FAT4: variants seen among roughly 807,000 people sequenced by gnomAD.
The protein encoded by FAT4 is protocadherin Fat 4.
FAT4 carries 84 observed loss-of-function variants against 303.9 expected under a neutral mutation model. The observed-to-expected ratio is 0.28, with a 90% confidence interval of 0.23 to 0.33. The LOEUF is 0.33. FAT4 is among the 10% of genes least tolerant of loss of function. FAT4 has a pLI of 1.00. For missense variants in FAT4, 6,005 were observed against 6,146.8 expected (o/e 0.98, Z 0.77); for synonymous variants, 2,307 against 2,298.8 (o/e 1.00, Z -0.10).
Position 125,320,608 on chromosome 4 carries a change from T to C in FAT4, c.4197T>C (p.Pro1399=). 3 of 1,614,146 alleles carry C rather than the reference T, an allele frequency of 1.9e-6. No individual in the cohort carries two copies. Among genetic ancestry groups the C allele is most frequent in the Non-Finnish European group, 2.5e-6 (3 of 1,179,968 alleles). ...NITAKDQGRP[P]RSSTMSVVIH... is the part of the protein sequence containing the mutation. Reference sequence around the variant, plus strand: ...CAGCAAAAGACCAAGGAAGACCTCCTCGTTCATCTACAATGTCAGTGGTTA... The same window carrying C: ...CAGCAAAAGACCAAGGAAGACCTCCCCGTTCATCTACAATGTCAGTGGTTA... The change falls in exon 2 of 18, where the codon CCT becomes CCC. Residue 1399 remains proline (P), a synonymous_variant. Transcript: ENST00000394329.
chr4:125,452,942 A>T, intron 10 of FAT4, 132 bp downstream of exon 10: 1 of 1,152,900 alleles, frequency 8.7e-7, no homozygotes, highest in Non-Finnish European at 1.2e-6. Context: ...TTAAACATTT[A>T]CTGTTGGTCA....
intron 8 of FAT4, among the ~76,000 whole-genome samples, chr4:125,436,156 A>T (rs1290685025): frequency 1.3e-5 from 2 of 150,482 alleles, no homozygotes; most frequent in Non-Finnish European, 3.0e-5. Context: ...AAACCTGCAC[A>T]TTGTGCACAT....
At chr4:125,484,039 C>G (rs999212442) in intron 16 of FAT4, among the ~76,000 whole-genome samples, 1 of 109,824 alleles carries the variant, frequency 9.1e-6, no homozygotes, top group Non-Finnish European at 1.7e-5. Context: ...CATTCTTTCT[C>G]TCTCTCTCTA....
intron 2 of FAT4, among the ~76,000 whole-genome samples, chr4:125,385,323 A>T (rs1025705520): frequency 6.6e-6 from 1 of 152,004 alleles, no homozygotes; most frequent in Admixed American, 6.6e-5. Flanking sequence ...GCGCCCTGCC[A>T]ATTTTAGAAA....
intron 10 of FAT4, among the ~76,000 whole-genome samples, chr4:125,456,831 A>G (rs933105051): frequency 1.3e-5 from 2 of 152,178 alleles, no homozygotes; most frequent in African/African-American, 4.8e-5. Flanking sequence ...TGTGTGCCTC[A>G]TAGAATGATT....
intron 2 of FAT4, among the ~76,000 whole-genome samples, chr4:125,322,061 A>C (rs1730977673): frequency 6.6e-6 from 1 of 152,160 alleles, no homozygotes; most frequent in South Asian, 2.1e-4. Flanking sequence ...GTACACCAGG[A>C]CAGTATTAAC....
At chr4:125,392,655 C>T (rs12511534) in intron 2 of FAT4, among the ~76,000 whole-genome samples, 144,985 of 152,218 alleles carry the variant, frequency 0.95, 69,429 homozygotes, top group East Asian at 1. Context: ...ATTGATAAGA[C>T]GAACTCTCAC....
intron 12 of FAT4, among the ~76,000 whole-genome samples, chr4:125,472,810 G>C (rs917531915): frequency 1.3e-5 from 2 of 152,122 alleles, no homozygotes; most frequent in African/African-American, 4.8e-5. Context: ...CATGGTCAAG[G>C]GTAGCTGCTC....
At chr4:125,347,174 T>G (rs1732036399) in intron 2 of FAT4, among the ~76,000 whole-genome samples, 1 of 151,036 alleles carries the variant, frequency 6.6e-6, no homozygotes, top group Non-Finnish European at 1.5e-5. Flanking sequence ...CATAGATATA[T>G]ATTACCAATC....
intron 16 of FAT4, among the ~76,000 whole-genome samples, chr4:125,484,535 C>T (rs1162372682): frequency 6.6e-6 from 1 of 151,994 alleles, no homozygotes; most frequent in Non-Finnish European, 1.5e-5. Flanking sequence ...TCTATAGATT[C>T]AAATTAAATA....
intron 8 of FAT4, among the ~76,000 whole-genome samples, chr4:125,436,329 C>T (rs1401746278): frequency 2.0e-5 from 3 of 151,926 alleles, no homozygotes; most frequent in African/African-American, 7.3e-5. Context: ...GAAGGAGGAA[C>T]AGTTTTGTGA....
At position 125,317,223 on chromosome 4, in the gene FAT4, A is replaced by G. The variant is rs1192293175; in HGVS notation, c.812A>G (p.Gln271Arg). ...GCGGTTGTGGGTTCCAGCGTCCTCC[A>G]GGTGGCGGCGGCGGACGCGGACGAG... is the stretch of plus-strand genomic sequence containing the variant. ...EDAVVGSSVL[Q>R]VAAADADEGT... Residue 271 changes from glutamine (Q) to arginine (R), a missense_variant, in exon 2 of 18, where the codon CAG becomes CGG. By Grantham distance (43) the Gln-to-Arg change is conservative. Coordinates refer to ENST00000394329, the MANE Select transcript of FAT4 (RefSeq NM_001291303.3). The surrounding 1 kb of genome is among the most constrained non-coding windows in gnomAD (Gnocchi z 7.0). The G allele has an allele frequency of 2.5e-6, 4 of 1,583,488 alleles. No homozygotes were observed. The highest frequency in any genetic ancestry group is 3.4e-6 in the Non-Finnish European group (4 of 1,162,278).
At chr4:125,356,410 T>C (rs1279156897) in intron 2 of FAT4, among the ~76,000 whole-genome samples, 1 of 152,004 alleles carries the variant, frequency 6.6e-6, no homozygotes, top group African/African-American at 2.4e-5. Flanking sequence ...ATGTAACAGA[T>C]TGTTATTTAC....
intron 2 of FAT4, among the ~76,000 whole-genome samples, chr4:125,329,665 C>T (rs972459050): frequency 1.1e-4 from 17 of 152,244 alleles, no homozygotes; most frequent in Middle Eastern, 3.4e-3. Flanking sequence ...TTTTCTGAAC[C>T]CTACATTCGT....
chr4:125,422,301 C>G (rs928798395), intron 7 of FAT4, among the ~76,000 whole-genome samples: 1 of 152,180 alleles, frequency 6.6e-6, no homozygotes, highest in Non-Finnish European at 1.5e-5. Flanking sequence ...ATTTAATGCA[C>G]TTTATAAATA....
At chr4:125,468,147 G>A (rs999611773) in intron 11 of FAT4, among the ~76,000 whole-genome samples, 2 of 151,688 alleles carry the variant, frequency 1.3e-5, no homozygotes, top group Non-Finnish European at 2.9e-5. Flanking sequence ...GCAAAACTCT[G>A]TCCCAAAATA....
rs770591201 is a variant in FAT4, at chr4:125,317,336, G to C, written c.925G>C (p.Glu309Gln). The C allele has an allele frequency of 6.2e-6, 10 of 1,611,658 alleles. No homozygotes were observed. Among genetic ancestry groups the C allele is most frequent in the Non-Finnish European group, 7.6e-6 (9 of 1,178,778 alleles). ...DPETGLITVR[E>Q]PLDFEARRQY... is the part of the protein sequence containing the mutation. ...TGAGACGGGACTTATCACGGTGCGG[G>C]AGCCCCTGGACTTCGAAGCTCGGCG... The change falls in exon 2 of 18, where the codon GAG (glutamate) becomes CAG (glutamine). Residue 309 changes from glutamate (E) to glutamine (Q), a missense_variant. Glu to Gln is a conservative substitution (Grantham distance 29). Coordinates refer to ENST00000394329, the MANE Select transcript of FAT4 (RefSeq NM_001291303.3). The surrounding 1 kb of genome is among the most constrained non-coding windows in gnomAD (Gnocchi z 7.0).
At chr4:125,444,125 TA>T (rs1424188375) in intron 8 of FAT4, among the ~76,000 whole-genome samples, 1 of 152,144 alleles carries the variant, frequency 6.6e-6, no homozygotes, top group African/African-American at 2.4e-5. Context: ...AGCATAAAAT[TA>T]AAAAATCAGA....
Position 125,321,037 on chromosome 4 carries a change from G to T in FAT4, c.4626G>T (p.Val1542=), listed in dbSNP as rs758512899. The part of the protein sequence containing the change: ...QNALAADPSA[V]IGSVLTTIMA... The stretch of plus-strand genomic sequence containing the variant: ...CCCTTGCTGCAGACCCATCAGCTGT[G>T]ATTGGTTCCGTTCTGACAACAATTA... The change falls in exon 2 of 18, where the codon GTG becomes GTT. Residue 1542 remains valine (V), a synonymous_variant. Coordinates refer to ENST00000394329, the MANE Select transcript of FAT4 (RefSeq NM_001291303.3). 2.5e-6 allele frequency: 4 copies of T among 1,614,210 alleles called. No homozygotes were observed. The highest frequency in any genetic ancestry group is 3.4e-6 in the Non-Finnish European group (4 of 1,180,020).
Sources: allele counts gnomAD v4.1 joint callset (sites outside exome capture counted in the v4.1 genomes callset), GRCh38; gene constraint gnomAD v4.1.1; non-coding constraint Gnocchi (gnomAD v3.1); transcripts MANE v1.5; gene names NCBI Gene and HGNC (gene_info 2026-07-23, HGNC 2026-07-21).